GPM6A: variants seen among roughly 807,000 people sequenced by gnomAD.
GPM6A encodes the protein glycoprotein M6A.
In GPM6A, 7 loss-of-function variants were observed where a neutral mutation model predicts 32.1. The ratio of observed to expected loss-of-function variants is 0.22; its 90% confidence interval spans 0.12 to 0.41. GPM6A has a LOEUF of 0.41. GPM6A is among the 10% of genes least tolerant of loss of function. GPM6A has a pLI of 1.00. For missense variants in GPM6A, 235 were observed against 347.2 expected, an observed-to-expected ratio of 0.68 and a Z score of 2.57; for synonymous variants, 130 against 123.4, an observed-to-expected ratio of 1.05 and a Z score of -0.35.
intron 1 of GPM6A, among the ~76,000 whole-genome samples, chr4:175,737,263 T>C (rs1238443042): frequency 6.6e-6 from 1 of 152,188 alleles, no homozygotes; most frequent in Admixed American, 6.5e-5. Context: ...AAGAGGTTTA[T>C]GTGGCTCATG....
intron 1 of GPM6A, among the ~76,000 whole-genome samples, chr4:175,731,553 G>C (rs561599627): frequency 1.3e-5 from 2 of 152,122 alleles, no homozygotes; most frequent in Non-Finnish European, 2.9e-5. Context: ...CACAATATCT[G>C]GCACAGGCCA....
chr4:175,749,255 CTT>C (rs1335791483), intron 1 of GPM6A, among the ~76,000 whole-genome samples: 1 of 151,938 alleles, frequency 6.6e-6, no homozygotes, highest in African/African-American at 2.4e-5. Context: ...AACCTAATAA[CTT>C]TGATAATCAC....
At chr4:175,781,790 C>T (rs971792090) in intron 1 of GPM6A, among the ~76,000 whole-genome samples, 1 of 152,154 alleles carries the variant, frequency 6.6e-6, no homozygotes, top group Non-Finnish European at 1.5e-5. Context: ...GTGCCAATGT[C>T]CTGTGCAAAT....
At chr4:175,748,763 C>T (rs1732203404) in intron 1 of GPM6A, among the ~76,000 whole-genome samples, 1 of 152,170 alleles carries the variant, frequency 6.6e-6, no homozygotes, top group Non-Finnish European at 1.5e-5. Flanking sequence ...GACTTCTCCT[C>T]TACAGCTATG....
At chr4:175,978,452 A>G (rs1297379389) in intron 1 of GPM6A, among the ~76,000 whole-genome samples, 1 of 152,170 alleles carries the variant, frequency 6.6e-6, no homozygotes, top group Non-Finnish European at 1.5e-5. Flanking sequence ...CATATAAGCT[A>G]TCATTTAGTA....
At chr4:175,832,130 C>CGTTG (rs1553993734) in intron 1 of GPM6A, among the ~76,000 whole-genome samples, 7 of 151,960 alleles carry the variant, frequency 4.6e-5, no homozygotes, top group African/African-American at 1.7e-4. Context: ...CTCCCTGGCT[C>CGTTG]TTTGGTTCTT....
intron 1 of GPM6A, among the ~76,000 whole-genome samples, chr4:175,711,073 C>G (rs1232243303): frequency 1.3e-5 from 2 of 152,068 alleles, no homozygotes; most frequent in Non-Finnish European, 2.9e-5. Context: ...TCTGCATACT[C>G]TCTTGACAGT....
At chr4:175,783,843 C>A (rs1733699764) in intron 1 of GPM6A, among the ~76,000 whole-genome samples, 1 of 151,956 alleles carries the variant, frequency 6.6e-6, no homozygotes, top group Non-Finnish European at 1.5e-5. Flanking sequence ...TTATGAGAAT[C>A]ATTCTATTTG....
intron 1 of GPM6A, chr4:175,787,368 C>G (rs1553989365): frequency 3.3e-6 from 5 of 1,535,134 alleles, no homozygotes; most frequent in Non-Finnish European, 4.4e-6. Context: ...GTGATGCTGC[C>G]GGCCGCTGGC....
chr4:175,645,089 G>C (rs1741380689), intron 4 of GPM6A, among the ~76,000 whole-genome samples: 1 of 152,110 alleles, frequency 6.6e-6, no homozygotes, highest in Non-Finnish European at 1.5e-5. Flanking sequence ...GACAGAGTGA[G>C]ATTGTCTCAA....
chr4:175,693,696 T>C (rs57370729), intron 2 of GPM6A, among the ~76,000 whole-genome samples: 7,178 of 152,284 alleles, frequency 0.047, 203 homozygotes, highest in Non-Finnish European at 0.063. Context: ...CAAGTTTTCT[T>C]CTATCTGATA....
At chr4:175,668,762 T>A (rs974013085) in intron 3 of GPM6A, among the ~76,000 whole-genome samples, 1 of 152,180 alleles carries the variant, frequency 6.6e-6, no homozygotes, top group African/African-American at 2.4e-5. Flanking sequence ...AAGATTAAAA[T>A]GAGGACATCT....
chr4:175,687,900 T>C (rs1222066369), intron 2 of GPM6A, among the ~76,000 whole-genome samples: 1 of 152,192 alleles, frequency 6.6e-6, no homozygotes, highest in Non-Finnish European at 1.5e-5. Flanking sequence ...AGGTGACAGC[T>C]CATTATGGTT....
At chr4:175,957,311 C>T (rs982241516) in intron 1 of GPM6A, among the ~76,000 whole-genome samples, 1 of 152,122 alleles carries the variant, frequency 6.6e-6, no homozygotes, top group African/African-American at 2.4e-5. Flanking sequence ...GGTAAGAAAG[C>T]CATATACGAC....
chr4:175,752,936 T>C (rs189800645), intron 1 of GPM6A, among the ~76,000 whole-genome samples: 4 of 152,298 alleles, frequency 2.6e-5, no homozygotes, highest in Admixed American at 2.6e-4. Flanking sequence ...TGACAACGTG[T>C]GAACAACTAA....
At chr4:175,812,538 A>G (rs1440121521), upstream of GPM6A, 10 of 1,070,922 alleles carry the variant, frequency 9.3e-6, no homozygotes, top group Non-Finnish European at 1.1e-5. Context: ...AAATAGCCTG[A>G]GAATTTTGGG....
At chr4:175,904,411 C>T (rs1738060867) in intron 1 of GPM6A, among the ~76,000 whole-genome samples, 1 of 152,126 alleles carries the variant, frequency 6.6e-6, no homozygotes, top group African/African-American at 2.4e-5. Flanking sequence ...TACATGTACA[C>T]ATGTGTCTAC....
intron 1 of GPM6A, among the ~76,000 whole-genome samples, chr4:175,713,760 A>G (rs939774604): frequency 6.6e-6 from 1 of 152,218 alleles, no homozygotes; most frequent in African/African-American, 2.4e-5. Context: ...AAACAGGAAA[A>G]AATTCGCAGC....
chr4:175,643,818 G>C (rs987591121), intron 4 of GPM6A, among the ~76,000 whole-genome samples: 12 of 152,146 alleles, frequency 7.9e-5, no homozygotes, highest in African/African-American at 2.9e-4. Flanking sequence ...CACACTAAGA[G>C]GCAAAATGGC....
Sources: allele counts gnomAD v4.1 joint callset (sites outside exome capture counted in the v4.1 genomes callset), GRCh38; gene constraint gnomAD v4.1.1; transcripts MANE v1.5; gene names NCBI Gene and HGNC (gene_info 2026-07-23, HGNC 2026-07-21).